MAN1A2: variants seen among roughly 807,000 people sequenced by gnomAD.
MAN1A2 encodes the protein mannosyl-oligosaccharide 1,2-alpha-mannosidase IB.
Under a neutral mutation model 75.7 loss-of-function variants are expected in MAN1A2, and 26 were observed. The ratio of observed to expected loss-of-function variants is 0.34; its 90% CI spans 0.25 to 0.48. The LOEUF is 0.48. Ranked by LOEUF, MAN1A2 falls within the 20% of genes least tolerant of loss-of-function variation. MAN1A2 has a pLI of 0.99. For missense variants in MAN1A2, 562 were observed against 775.5 expected (o/e 0.72, Z 3.27); for synonymous variants, 247 against 264.6 (o/e 0.93, Z 0.65).
At position 117,493,149 on chromosome 1, in the gene MAN1A2, C is replaced by G. The variant is rs766529183; in HGVS notation, c.1171C>G (p.His391Asp). The G allele has an allele frequency of 6.4e-7, 1 of 1,558,916 alleles. No homozygotes were observed. The highest frequency in any genetic ancestry group is 1.4e-5 in the African/African-American group (1 of 73,846). Reference sequence around the variant, plus strand: ...TTCTGTTTTCTCCTTTGTTACAGATCATACATCTGTCGGTGGCCTGGGAGA... The same window carrying G: ...TTCTGTTTTCTCCTTTGTTACAGATGATACATCTGTCGGTGGCCTGGGAGA... Reference protein sequence around the residue: ...NPRTGRWGQYHTSVGGLGDSF... With the variant: ...NPRTGRWGQYDTSVGGLGDSF... The change falls in exon 9 of 13, where the codon CAT becomes GAT. Residue 391 changes from histidine to aspartate, a missense_variant and splice_region_variant. His to Asp is a moderately conservative substitution (Grantham distance 81). Around this residue, in one of 2 missense-constraint regions of MAN1A2, gnomAD observed 434 missense variants for 645.7 expected, o/e 0.67. Transcript: ENST00000356554.
intron 1 of MAN1A2, among the ~76,000 whole-genome samples, chr1:117,383,688 G>T (rs1321991319): frequency 6.6e-6 from 1 of 151,904 alleles, no homozygotes; most frequent in African/African-American, 2.4e-5. Context: ...TCAAGAATTT[G>T]TCCACTTCAT....
chr1:117,459,380 A>G (rs1180644979), intron 6 of MAN1A2, among the ~76,000 whole-genome samples: 1 of 152,226 alleles, frequency 6.6e-6, no homozygotes, highest in African/African-American at 2.4e-5. Context: ...TTAAGGGCTA[A>G]GGAGGAAATT....
intron 8 of MAN1A2, among the ~76,000 whole-genome samples, chr1:117,479,687 A>T (rs1570777811): frequency 6.6e-6 from 1 of 151,862 alleles, no homozygotes; most frequent in South Asian, 2.1e-4. Flanking sequence ...GCATTTCTCT[A>T]ATGATCAGTG....
intron 4 of MAN1A2, among the ~76,000 whole-genome samples, chr1:117,417,722 T>A (rs1648052308): frequency 6.6e-6 from 1 of 150,832 alleles, no homozygotes; most frequent in Non-Finnish European, 1.5e-5. Context: ...TCTCTCTCTC[T>A]CTCTCTCTCT....
intron 1 of MAN1A2, among the ~76,000 whole-genome samples, chr1:117,399,712 A>G (rs938577625): frequency 1.3e-5 from 2 of 152,192 alleles, no homozygotes; most frequent in Non-Finnish European, 2.9e-5. Flanking sequence ...TGATTGCAAG[A>G]TGGCTCTCTT....
chr1:117,369,116 G>C (rs1333801743), intron 1 of MAN1A2, among the ~76,000 whole-genome samples: 1 of 152,124 alleles, frequency 6.6e-6, no homozygotes, highest in Non-Finnish European at 1.5e-5. Context: ...CTAAGTTATT[G>C]CACTTTGTGA....
intron 1 of MAN1A2, among the ~76,000 whole-genome samples, chr1:117,399,805 CAACTGGCTCTGTCCATTTGT>C (rs907239485): frequency 1.3e-5 from 2 of 152,162 alleles, no homozygotes; most frequent in Non-Finnish European, 2.9e-5. Context: ...GTCCTTTTCT[CAACTGGCTCTGTCCATTTGT>C]TAATCCGTAA....
chr1:117,420,661 C>G lies in MAN1A2; in HGVS notation c.855+12C>G, dbSNP rs780935177. ...TATCAGGAGAGGAGGTGAGCAAAAT[C>G]AAGCAATGCATTGTTTGTTTTGGAG... is the stretch of plus-strand genomic sequence containing the variant. On this transcript the variant is annotated intron_variant, in intron 5 of 12. Coordinates refer to ENST00000356554, the MANE Select transcript of MAN1A2 (RefSeq NM_006699.5). 148 of 1,584,430 alleles carry G rather than the reference C, an allele frequency of 9.3e-5. No homozygotes were observed. Among genetic ancestry groups the G allele is most frequent in the Non-Finnish European group, 3.5e-6 (4 of 1,153,840 alleles).
chr1:117,439,525 G>A (rs113501922), intron 5 of MAN1A2, among the ~76,000 whole-genome samples: 1 of 150,724 alleles, frequency 6.6e-6, no homozygotes, highest in Admixed American at 6.6e-5. Context: ...ACAGAGTCTT[G>A]CTCTGTTGCC....
At chr1:117,452,315 A>AC (rs1649446951) in intron 6 of MAN1A2, among the ~76,000 whole-genome samples, 1 of 152,080 alleles carries the variant, frequency 6.6e-6, no homozygotes, top group Non-Finnish European at 1.5e-5. Flanking sequence ...CTCAAAAAAA[A>AC]AAAAAAGTTG....
At chr1:117,398,669 A>G (rs893454215) in intron 1 of MAN1A2, among the ~76,000 whole-genome samples, 2 of 141,676 alleles carry the variant, frequency 1.4e-5, no homozygotes, top group African/African-American at 5.6e-5. Flanking sequence ...GGGAGACTCT[A>G]TTTCAAAAAA....
chr1:117,376,574 C>T (rs140821265), intron 1 of MAN1A2, among the ~76,000 whole-genome samples: 27 of 152,358 alleles, frequency 1.8e-4, no homozygotes, highest in Non-Finnish European at 3.4e-4. Context: ...TCTCCTCAGA[C>T]CTCAGTTACA....
intron 5 of MAN1A2, among the ~76,000 whole-genome samples, chr1:117,434,173 T>G (rs1570741888): frequency 6.6e-6 from 1 of 152,192 alleles, no homozygotes; most frequent in East Asian, 1.9e-4. Flanking sequence ...GTGAAACTAT[T>G]TATTTAGACC....
intron 12 of MAN1A2, among the ~76,000 whole-genome samples, chr1:117,518,120 T>C (rs996304406): frequency 6.6e-6 from 1 of 151,950 alleles, no homozygotes; most frequent in South Asian, 2.1e-4. Context: ...AAGAGTTTAC[T>C]ATAAAACAAA....
chr1:117,371,538 T>C (rs1301935062), intron 1 of MAN1A2, among the ~76,000 whole-genome samples: 1 of 151,852 alleles, frequency 6.6e-6, no homozygotes, highest in Non-Finnish European at 1.5e-5. Flanking sequence ...GAGTAGGAGA[T>C]TGCTTAATGA....
At chr1:117,509,854 A>G (rs549103355) in intron 12 of MAN1A2, among the ~76,000 whole-genome samples, 162 of 151,794 alleles carry the variant, frequency 1.1e-3, no homozygotes, top group African/African-American at 3.8e-3. Context: ...CTCACATCCA[A>G]TCTCACTTCC....
intron 3 of MAN1A2, among the ~76,000 whole-genome samples, chr1:117,410,469 C>A (rs1647769860): frequency 6.6e-6 from 1 of 151,432 alleles, no homozygotes; most frequent in African/African-American, 2.4e-5. Flanking sequence ...CAACAATAAG[C>A]AAAAAATGCA....
intron 1 of MAN1A2, among the ~76,000 whole-genome samples, chr1:117,392,944 C>T (rs1170462008): frequency 6.6e-6 from 1 of 152,204 alleles, no homozygotes; most frequent in East Asian, 1.9e-4. Context: ...TTTTTAGCCT[C>T]TTTCATGTGG....
At chr1:117,464,356 CA>C (rs55923337) in intron 7 of MAN1A2, among the ~76,000 whole-genome samples, 12 of 132,008 alleles carry the variant, frequency 9.1e-5, no homozygotes, top group African/African-American at 1.1e-4. Context: ...AAGACTCTGT[CA>C]AAAAAAAAAG....
Sources: gnomAD v4.1 joint callset for allele counts (sites outside exome capture counted in the v4.1 genomes callset) on GRCh38, gnomAD v4.1.1 for gene constraint, gnomAD v4.1.1 regional missense constraint, MANE v1.5 for transcripts, NCBI Gene and HGNC (gene_info 2026-07-23, HGNC 2026-07-21) for gene names.